PTPRS: variants seen among roughly 807,000 people sequenced by gnomAD.
PTPRS encodes the protein receptor-type tyrosine-protein phosphatase S.
PTPRS carries 63 observed loss-of-function variants against 215.3 expected under a neutral mutation model. The observed-to-expected ratio is 0.29, with a 90% confidence interval of 0.24 to 0.36. The LOEUF is 0.36. Ranked by LOEUF, PTPRS falls within the 10% of genes least tolerant of loss-of-function variation. PTPRS has a pLI of 1.00. For missense variants in PTPRS, 2,258 were observed against 2,825.8 expected (o/e 0.80, Z 4.56); for synonymous variants, 1,404 against 1,191.4 (o/e 1.18, Z -3.68).
chr19:5,308,409 A>C (rs749816503), intron 1 of PTPRS, among the ~76,000 whole-genome samples: 132 of 152,324 alleles, frequency 8.7e-4, no homozygotes, highest in Non-Finnish European at 1.5e-3. Context: ...TGTCTGCATC[A>C]GTCACTATAG....
intron 20 of PTPRS, 62 bp downstream of exon 20, chr19:5,220,938 C>T (rs1167396073): frequency 6.5e-7 from 1 of 1,541,528 alleles, no homozygotes; most frequent in Non-Finnish European, 8.8e-7. Flanking sequence ...ACGTGGCTTG[C>T]CCCAGCCATA....
At chr19:5,290,925 G>A (rs1038848904) in intron 1 of PTPRS, among the ~76,000 whole-genome samples, 1 of 151,904 alleles carries the variant, frequency 6.6e-6, no homozygotes, top group African/African-American at 2.4e-5. Flanking sequence ...GCAGGGACAG[G>A]CAGCGAGGGC....
rs550728129 is a variant in PTPRS at position 5,274,582 on chromosome 19, C to A, written c.92-238G>T. ...CCCACTTCCACCTGCAACAGCCACACCTGCTCACACACAGTGGATACAACC... is the reference window on the plus strand; with the variant it reads ...CCCACTTCCACCTGCAACAGCCACAACTGCTCACACACAGTGGATACAACC... On this transcript the variant is annotated intron_variant, in intron 2 of 37. Coordinates refer to ENST00000262963, the MANE Select transcript of PTPRS (RefSeq NM_002850.4). Among the ~76,000 whole-genome samples the A allele has an allele frequency of 3.1e-3, 463 of 149,486 alleles. 1 individual carries two copies. Among genetic ancestry groups the A allele is most frequent in the African/African-American group, 0.01 (417 of 40,546 alleles).
chr19:5,266,217 C>A (rs1256375023), intron 4 of PTPRS, among the ~76,000 whole-genome samples: 1 of 151,918 alleles, frequency 6.6e-6, no homozygotes, highest in Non-Finnish European at 1.5e-5. Flanking sequence ...CAAGATCACG[C>A]CACTGCACTC....
intron 23 of PTPRS, 81 bp from the exon 24 acceptor site, chr19:5,218,879 C>T (rs2041728925): frequency 9.2e-6 from 13 of 1,414,486 alleles, no homozygotes; most frequent in Non-Finnish European, 1.2e-5. Context: ...AGGGCTTGTT[C>T]TGTGACTCTC....
In PTPRS at chr19:5,215,448, G is replaced by A. The variant is rs777360269; in HGVS notation, c.4195-36C>T. 18 of 1,610,746 alleles carry A rather than the reference G, an allele frequency of 1.1e-5. 2 individuals carry two copies. In the South Asian group the frequency reaches 1.6e-4, roughly 15 times the overall value. On this transcript the variant is annotated intron_variant, in intron 27 of 37. Coordinates refer to ENST00000262963, the MANE Select transcript of PTPRS (RefSeq NM_002850.4). Reference sequence around the variant, plus strand: ...AGGGGAGAGCGCGGGTGTCAGGGTAGGTGCCTGTGAGGCCGAGGTGATGAG... The same window carrying A: ...AGGGGAGAGCGCGGGTGTCAGGGTAAGTGCCTGTGAGGCCGAGGTGATGAG...
chr19:5,279,333 GTTATTT>G (rs139410332), intron 2 of PTPRS, among the ~76,000 whole-genome samples: 25 of 150,904 alleles, frequency 1.7e-4, no homozygotes, highest in East Asian at 3.9e-4. Flanking sequence ...AATTGAAGAA[GTTATTT>G]TTATTTTTAT....
At chr19:5,245,740 G>GC in intron 10 of PTPRS, 36 bp downstream of exon 10, 1 of 1,532,994 alleles carries the variant, frequency 6.5e-7, no homozygotes, top group Non-Finnish European at 8.8e-7. Context: ...ACTCCAGCCT[G>GC]CCCCTCCACC....
intron 1 of PTPRS, among the ~76,000 whole-genome samples, chr19:5,306,548 T>A (rs1244879906): frequency 6.6e-6 from 1 of 152,156 alleles, no homozygotes; most frequent in South Asian, 2.1e-4. Flanking sequence ...AGGCCTCTTC[T>A]CGCCTGTGGT....
At chr19:5,256,487 G>A (rs530118281) in intron 8 of PTPRS, among the ~76,000 whole-genome samples, 1 of 152,060 alleles carries the variant, frequency 6.6e-6, no homozygotes, top group East Asian at 1.9e-4. Context: ...ACCTCTGGGG[G>A]ATGAGGACAC....
Position 5,239,023 on chromosome 19 carries a change from T to A in PTPRS, c.1745A>T (p.Glu582Val). The part of the protein sequence containing the change: ...TFDPTTSYVV[E>V]DLKPNTEYAF... ...GTACTCCGTGTTGGGCTTCAGGTCC[T>A]CCACCACGTAGGAAGTCGTCGGGTC... The change falls in exon 13 of 38, where the codon GAG (glutamate) becomes GTG (valine). Residue 582 changes from glutamate (E) to valine (V), a missense_variant. Physicochemically the swap from Glu to Val is moderately radical, Grantham distance 121. This residue lies in a region of PTPRS where 371 missense variants were observed against 446.7 expected (regional missense o/e 0.83). Transcript: ENST00000262963. The A allele has an allele frequency of 6.2e-7, 1 of 1,613,412 alleles. No individual in the cohort carries two copies. Among genetic ancestry groups the A allele is most frequent in the South Asian group, 1.1e-5 (1 of 91,026 alleles).
In PTPRS at chr19:5,222,151, T is replaced by G; in HGVS notation, c.3173A>C (p.Asp1058Ala). ...TSVLLSWEFP[D>A]NYNSPTPYKI... Reference sequence around the variant, plus strand: ...GTAGGGTGTGGGTGAGTTGTAGTTGTCAGGGAACTCCCAGCTGAGCAGAAC... The same window carrying G: ...GTAGGGTGTGGGTGAGTTGTAGTTGGCAGGGAACTCCCAGCTGAGCAGAAC... The change falls in exon 19 of 38, where the codon GAC (aspartate) becomes GCC (alanine). Residue 1058 changes from aspartate to alanine, a missense_variant. By Grantham distance (126) the Asp-to-Ala change is moderately radical (BLOSUM62 -2). Around this residue, in one of 6 missense-constraint regions of PTPRS, gnomAD observed 361 missense variants for 332.6 expected, o/e 1.09. Transcript: ENST00000262963. The G allele has an allele frequency of 6.2e-7, 1 of 1,613,972 alleles. No individual in the cohort carries two copies. Among genetic ancestry groups the G allele is most frequent in the Non-Finnish European group, 8.5e-7 (1 of 1,179,952 alleles).
At chr19:5,249,331 C>T (rs1375007104) in intron 9 of PTPRS, among the ~76,000 whole-genome samples, 5 of 151,018 alleles carry the variant, frequency 3.3e-5, no homozygotes, top group South Asian at 2.1e-4. Context: ...AATAAATAAA[C>T]AAACAAACAA....
In PTPRS at chr19:5,287,669, G is replaced by A. The variant is rs1032084812; in HGVS notation, c.-94-1435C>T. Among the ~76,000 whole-genome samples, 2 of 152,074 alleles carry A rather than the reference G, an allele frequency of 1.3e-5. No individual in the cohort carries two copies. The highest frequency in any genetic ancestry group is 4.8e-5 in the African/African-American group (2 of 41,402). On this transcript the variant is annotated intron_variant, in intron 1 of 37. Transcript: ENST00000262963. This position sits in a 1 kb window ranked among gnomAD's most constrained non-coding sequence, Gnocchi z 4.8. Reference sequence around the variant, plus strand: ...TCTGACTCCCAAAATACCCAGCTGCGGTCACCTCGCCCAGCCCTGGGGCGG... The same window carrying A: ...TCTGACTCCCAAAATACCCAGCTGCAGTCACCTCGCCCAGCCCTGGGGCGG...
In PTPRS at chr19:5,210,455, G is replaced by C; in HGVS notation, c.5487+14C>G. 6.2e-7 allele frequency: 1 copy of C among 1,614,110 alleles called. No homozygotes were observed. Among genetic ancestry groups the C allele is most frequent in the Non-Finnish European group, 8.5e-7 (1 of 1,179,970 alleles). ...AGGCTCCAGCCCCTCCCGCCAGTCT[G>C]TCTCTTCACTCACCCGGGCATCTGT... On this transcript the variant is annotated intron_variant, in intron 35 of 37. Transcript: ENST00000262963. This position sits in a 1 kb window ranked among gnomAD's most constrained non-coding sequence, Gnocchi z 4.5.
chr19:5,216,067 A>G (rs1328872082), intron 26 of PTPRS, among the ~76,000 whole-genome samples: 1 of 152,168 alleles, frequency 6.6e-6, no homozygotes, highest in African/African-American at 2.4e-5. Flanking sequence ...CTCTGGGATC[A>G]GAGGCACGAA....
chr19:5,228,037 C>T (rs2042658979), intron 16 of PTPRS, among the ~76,000 whole-genome samples: 2 of 152,186 alleles, frequency 1.3e-5, no homozygotes, highest in South Asian at 2.1e-4. Flanking sequence ...GGGTCTCCTA[C>T]CCCTGAGCCT....
chr19:5,216,809 GT>G (rs2041509795), intron 25 of PTPRS, 42 bp from the exon 26 acceptor site: 14 of 1,401,140 alleles, frequency 1.0e-5, no homozygotes, highest in Non-Finnish European at 1.4e-5. Context: ...CATGCAGGGG[GT>G]AGGGGGGGGT....
intron 12 of PTPRS, 83 bp from the exon 13 acceptor site, chr19:5,239,146 GAAAC>G: frequency 1.2e-6 from 1 of 851,536 alleles, no homozygotes; most frequent in Non-Finnish European, 1.8e-6. Flanking sequence ...GAGAGAGACA[GAAAC>G]AGAGGGGGGA....
Sources: gnomAD v4.1 joint callset for allele counts (sites outside exome capture counted in the v4.1 genomes callset) on GRCh38, gnomAD v4.1.1 for gene constraint, gnomAD v4.1.1 regional missense constraint, Gnocchi (gnomAD v3.1) non-coding constraint, MANE v1.5 for transcripts, NCBI Gene and HGNC (gene_info 2026-07-23, HGNC 2026-07-21) for gene names.